TRPC7: variants seen among roughly 807,000 people sequenced by gnomAD.
TRPC7 encodes transient receptor potential cation channel subfamily C member 7.
Under a neutral mutation model 90.1 loss-of-function variants are expected in TRPC7, and 42 were observed. The observed-to-expected ratio is 0.47, with a 90% CI of 0.36 to 0.60. The LOEUF (loss-of-function observed/expected upper bound fraction) is 0.60. Ranked by LOEUF, TRPC7 falls within the 20% of genes least tolerant of loss-of-function variation. The pLI is 0.00. For synonymous variants in TRPC7, 451 were observed against 436.3 expected (o/e 1.03, Z -0.42); for missense variants, 955 against 1,112.3 (o/e 0.86, Z 2.01).
intron 3 of TRPC7, among the ~76,000 whole-genome samples, chr5:136,303,011 G>C (rs1162895950): frequency 6.6e-6 from 1 of 151,840 alleles, no homozygotes; most frequent in East Asian, 1.9e-4. Flanking sequence ...CTCAGCCTCC[G>C]CTCCTCCACC....
At chr5:136,323,664 T>G (rs1275768417) in intron 2 of TRPC7, among the ~76,000 whole-genome samples, 2 of 152,238 alleles carry the variant, frequency 1.3e-5, no homozygotes, top group Non-Finnish European at 2.9e-5. Context: ...AGTCTATTTC[T>G]GCACTCTCTG....
At chr5:136,306,369 CA>C (rs1351958235) in intron 3 of TRPC7, among the ~76,000 whole-genome samples, 1 of 152,114 alleles carries the variant, frequency 6.6e-6, no homozygotes, top group Non-Finnish European at 1.5e-5. Context: ...AACAACCCCA[CA>C]ATATCACCCT....
At chr5:136,344,470 G>C (rs1340734735) in intron 2 of TRPC7, among the ~76,000 whole-genome samples, 2 of 152,174 alleles carry the variant, frequency 1.3e-5, no homozygotes, top group Non-Finnish European at 2.9e-5. Flanking sequence ...GTGAAGAAAA[G>C]ATCAAAGTAG....
intron 3 of TRPC7, among the ~76,000 whole-genome samples, chr5:136,312,093 G>A (rs1377446004): frequency 6.6e-6 from 1 of 152,092 alleles, no homozygotes. Flanking sequence ...GTTTGGACCT[G>A]GGACTGACTT....
At chr5:136,320,176 A>G (rs1033649914) in intron 2 of TRPC7, among the ~76,000 whole-genome samples, 2 of 152,030 alleles carry the variant, frequency 1.3e-5, no homozygotes, top group African/African-American at 4.8e-5. Flanking sequence ...AAAAATCTTG[A>G]ATTTATCCTT....
At chr5:136,306,018 A>G (rs945042708) in intron 3 of TRPC7, among the ~76,000 whole-genome samples, 3 of 152,124 alleles carry the variant, frequency 2.0e-5, no homozygotes, top group Non-Finnish European at 4.4e-5. Context: ...CTGTGCCCCA[A>G]AAAAACTTGT....
chr5:136,301,425 G>C (rs1322852978), intron 3 of TRPC7, among the ~76,000 whole-genome samples: 1 of 138,854 alleles, frequency 7.2e-6, no homozygotes, highest in Non-Finnish European at 1.5e-5. Flanking sequence ...TGACTTGTAC[G>C]TATACATCCA....
At chr5:136,339,352 A>G (rs1489743928) in intron 2 of TRPC7, among the ~76,000 whole-genome samples, 1 of 152,234 alleles carries the variant, frequency 6.6e-6, no homozygotes, top group Non-Finnish European at 1.5e-5. Context: ...CAAGGTTAGA[A>G]TTATGGTAGG....
chr5:136,257,116 T>G lies in TRPC7; in HGVS notation c.1346-5234A>C, dbSNP rs147548110. On this transcript the variant is annotated intron_variant, in intron 5 of 11. Transcript: ENST00000513104. ...TCTGGGACTATGCCCAGGGACTATT[T>G]TAATCAGAAAATTTCCCTTTCTGTT... 6.2e-3 allele frequency among the ~76,000 whole-genome samples: 938 copies of G among 152,316 alleles called. 9 individuals carry two copies. The highest frequency in any genetic ancestry group is 0.021 in the African/African-American group (870 of 41,572).
chr5:136,227,324 G>A (rs758624603), intron 8 of TRPC7, among the ~76,000 whole-genome samples: 2 of 152,186 alleles, frequency 1.3e-5, no homozygotes, highest in Non-Finnish European at 2.9e-5. Flanking sequence ...TATTAGCTGT[G>A]TAACTTTAGG....
At chr5:136,354,164 A>G (rs1760287428) in intron 2 of TRPC7, among the ~76,000 whole-genome samples, 1 of 152,244 alleles carries the variant, frequency 6.6e-6, no homozygotes, top group South Asian at 2.1e-4. Context: ...CGGCCAATGC[A>G]GAATAGGTCA....
At chr5:136,246,843 C>G (rs78731794) in intron 7 of TRPC7, among the ~76,000 whole-genome samples, 4,699 of 152,250 alleles carry the variant, frequency 0.031, 230 homozygotes, top group African/African-American at 0.1. Flanking sequence ...CTCACTGAAT[C>G]CTTGCACAAT....
At chr5:136,313,284 G>A (rs185881798) in intron 3 of TRPC7, among the ~76,000 whole-genome samples, 5 of 152,030 alleles carry the variant, frequency 3.3e-5, no homozygotes, top group Non-Finnish European at 1.5e-5. Context: ...TTCTTAAGTC[G>A]CTGAATTAAT....
chr5:136,304,070 AG>A (rs34298305), intron 3 of TRPC7, among the ~76,000 whole-genome samples: 17,711 of 151,672 alleles, frequency 0.12, 1,069 homozygotes, highest in African/African-American at 0.13. Flanking sequence ...TTCCCTTATT[AG>A]GCTGAGACAC....
intron 2 of TRPC7, among the ~76,000 whole-genome samples, chr5:136,341,530 T>C (rs1014683511): frequency 6.6e-6 from 1 of 151,818 alleles, no homozygotes; most frequent in African/African-American, 2.4e-5. Context: ...AGATATAAAA[T>C]AAATTATTAA....
intron 3 of TRPC7, among the ~76,000 whole-genome samples, chr5:136,277,457 C>A (rs1757402865): frequency 6.6e-6 from 1 of 152,194 alleles, no homozygotes; most frequent in South Asian, 2.1e-4. Context: ...AACCTTTCTG[C>A]ACTTGTGGCA....
intron 5 of TRPC7, among the ~76,000 whole-genome samples, chr5:136,252,349 A>G (rs745566024): frequency 1.6e-4 from 25 of 151,868 alleles, no homozygotes; most frequent in Non-Finnish European, 3.5e-4. Context: ...CATAGAACCC[A>G]GTTTTTTGTT....
intron 3 of TRPC7, among the ~76,000 whole-genome samples, chr5:136,302,526 T>C (rs1210970073): frequency 2.6e-5 from 4 of 152,100 alleles, no homozygotes; most frequent in Admixed American, 1.3e-4. Context: ...CTCTATGCTC[T>C]CTTTTCTCTG....
Position 136,315,643 on chromosome 5 carries a change from G to A in TRPC7, c.917C>T (p.Pro306Leu), listed in dbSNP as rs1758991818. 2 of 1,613,748 alleles carry A rather than the reference G, an allele frequency of 1.2e-6. No individual in the cohort carries two copies. Among genetic ancestry groups the A allele is most frequent in the Non-Finnish European group, 1.7e-6 (2 of 1,179,850 alleles). Residue 306 changes from proline to leucine, a missense_variant, in exon 3 of 12, where the codon CCA becomes CTA. Coordinates refer to ENST00000513104, the MANE Select transcript of TRPC7 (RefSeq NM_020389.3). ...NFQVWSDHHR[P>L]SLSRIKLAIK... ...GGCGAGTTTGATCCGGCTCAGACTT[G>A]GACGGTGGTGGTCGGACCAGACTTG...
Sources: allele counts gnomAD v4.1 joint callset (sites outside exome capture counted in the v4.1 genomes callset), GRCh38; gene constraint gnomAD v4.1.1; transcripts MANE v1.5; gene names NCBI Gene and HGNC (gene_info 2026-07-23, HGNC 2026-07-21).